Variants in WDSUB1 observed in about 807,000 individuals in gnomAD.
WDSUB1 encodes the protein WD repeat, sterile alpha motif and U-box domain containing 1.
Under a neutral mutation model 53.9 loss-of-function variants are expected in WDSUB1, and 49 were observed. The ratio of observed to expected loss-of-function variants is 0.91; its 90% confidence interval spans 0.72 to 1.15. The LOEUF (loss-of-function observed/expected upper bound fraction) is 1.15. Among genes scored for constraint, WDSUB1 ranks in the 50% most tolerant of loss-of-function variants. The pLI is 0.00. For synonymous variants in WDSUB1, 194 were observed against 200.6 expected, an observed-to-expected ratio of 0.97 and a Z score of 0.28; for missense variants, 514 against 562.0, an observed-to-expected ratio of 0.91 and a Z score of 0.86.
At chr2:159,283,971 C>T (rs1207021685) in intron 1 of WDSUB1, among the ~76,000 whole-genome samples, 9 of 152,200 alleles carry the variant, frequency 5.9e-5, no homozygotes, top group African/African-American at 1.9e-4. Context: ...TGTCCCACCA[C>T]GCCCGGCTAA....
intron 5 of WDSUB1, among the ~76,000 whole-genome samples, chr2:159,262,344 G>A (rs112971628): frequency 5.1e-4 from 78 of 152,066 alleles, no homozygotes; most frequent in African/African-American, 1.6e-3. Flanking sequence ...ACACAGCCCC[G>A]AACAAAAATA....
At chr2:159,266,459 A>C (rs533867841) in intron 5 of WDSUB1, among the ~76,000 whole-genome samples, 1 of 152,200 alleles carries the variant, frequency 6.6e-6, no homozygotes, top group Non-Finnish European at 1.5e-5. Context: ...AAGTGCTGGG[A>C]TTACAGGCGT....
intron 6 of WDSUB1, among the ~76,000 whole-genome samples, chr2:159,259,141 A>G (rs564677953): frequency 6.6e-6 from 1 of 152,218 alleles, no homozygotes; most frequent in South Asian, 2.1e-4. Context: ...CTCTTGCCTC[A>G]GACTCCCAAG....
At chr2:159,275,683 A>AG in intron 3 of WDSUB1, 45 bp from the exon 4 acceptor site, 1 of 1,412,800 alleles carries the variant, frequency 7.1e-7, no homozygotes, top group South Asian at 1.3e-5. Flanking sequence ...TAAAACACTG[A>AG]AACCCCCCCA....
chr2:159,245,048 A>G (rs1197204193), intron 10 of WDSUB1, among the ~76,000 whole-genome samples: 1 of 152,208 alleles, frequency 6.6e-6, no homozygotes, highest in East Asian at 1.9e-4. Flanking sequence ...AAGTGATACC[A>G]TGTTCATGGA....
In WDSUB1 at chr2:159,280,700, A is replaced by AG. The variant is rs2061644572; in HGVS notation, c.399-756_399-755insC. ...AGCGAGACTCCGTCTCAAAAAAAAA[A>AG]AAAAAAAAATTACCCAGAAGCAATG... On this transcript the variant is annotated intron_variant, in intron 2 of 10. Coordinates refer to ENST00000359774, the MANE Select transcript of WDSUB1 (RefSeq NM_001128212.3). Among the ~76,000 whole-genome samples the AG allele has an allele frequency of 2.1e-5, 3 of 146,322 alleles. No individual in the cohort carries two copies. The South Asian group carries it at 6.4e-4, about 31-fold the overall frequency.
chr2:159,236,499 A>C (rs1037903373), intron 10 of WDSUB1, among the ~76,000 whole-genome samples: 13 of 152,196 alleles, frequency 8.5e-5, no homozygotes, highest in African/African-American at 3.1e-4. Context: ...AGAGCTGGGT[A>C]GAGTGGGAGT....
intron 6 of WDSUB1, among the ~76,000 whole-genome samples, chr2:159,258,679 T>C (rs186463560): frequency 1.3e-5 from 2 of 152,162 alleles, no homozygotes; most frequent in East Asian, 1.9e-4. Context: ...ATAAATAAAT[T>C]AGTCCCTTAG....
intron 3 of WDSUB1, among the ~76,000 whole-genome samples, chr2:159,278,535 A>G (rs929596144): frequency 2.6e-5 from 4 of 152,126 alleles, no homozygotes; most frequent in African/African-American, 7.2e-5. Context: ...AAAGCATGCA[A>G]AAAAAAGACT....
intron 10 of WDSUB1, among the ~76,000 whole-genome samples, chr2:159,237,884 C>A (rs1575417142): frequency 2.3e-5 from 1 of 44,422 alleles, no homozygotes; most frequent in East Asian, 3.5e-4. Context: ...ATGCATGTGT[C>A]ACTTTTGGGG....
chr2:159,238,676 C>T (rs2060554443), intron 10 of WDSUB1, among the ~76,000 whole-genome samples: 1 of 152,162 alleles, frequency 6.6e-6, no homozygotes, highest in South Asian at 2.1e-4. Context: ...TGTTCTATTC[C>T]TGGGCCAACA....
intron 10 of WDSUB1, among the ~76,000 whole-genome samples, chr2:159,244,445 T>C (rs2060738013): frequency 6.6e-6 from 1 of 151,438 alleles, no homozygotes; most frequent in Non-Finnish European, 1.5e-5. Context: ...TTACATTGTA[T>C]TGGGCATAAG....
chr2:159,238,762 A>G (rs2151032546), intron 10 of WDSUB1, among the ~76,000 whole-genome samples: 1 of 151,054 alleles, frequency 6.6e-6, no homozygotes, highest in East Asian at 1.9e-4. Context: ...GTTTTTTTCT[A>G]GGTTATTTTT....
At chr2:159,285,020 T>G (rs370675405) in intron 1 of WDSUB1, among the ~76,000 whole-genome samples, 2 of 152,204 alleles carry the variant, frequency 1.3e-5, no homozygotes, top group East Asian at 3.8e-4. Context: ...TCACTCTATA[T>G]TCTCAGCAAT....
chr2:159,241,712 C>CTTTTT lies in WDSUB1; in HGVS notation c.1274-5527_1274-5523dup, dbSNP rs1180259583. Among the ~76,000 whole-genome samples, 34 of 96,076 alleles carry CTTTTT rather than the reference C, an allele frequency of 3.5e-4. 1 individual carries two copies. The highest frequency in any genetic ancestry group is 7.1e-4 in the Non-Finnish European group (28 of 39,676). 63.0% of individuals were successfully genotyped at this position (96,076 alleles called of 152,430 possible). On this transcript the variant is annotated intron_variant, in intron 10 of 10. Coordinates refer to ENST00000359774, the MANE Select transcript of WDSUB1 (RefSeq NM_001128212.3). ...GTAAATACATGACTGGGGATGTTTT[C>CTTTTT]TTTTTTCTTTTTTTTTTTGAGATGG...
chr2:159,265,722 T>C (rs948417213), intron 5 of WDSUB1, among the ~76,000 whole-genome samples: 1 of 152,084 alleles, frequency 6.6e-6, no homozygotes, highest in East Asian at 1.9e-4. Context: ...AAAGACTGAC[T>C]CTTCCTGTTT....
intron 10 of WDSUB1, among the ~76,000 whole-genome samples, chr2:159,240,862 T>C (rs919657399): frequency 6.6e-6 from 1 of 152,102 alleles, no homozygotes; most frequent in Non-Finnish European, 1.5e-5. Context: ...AAAAATCTCA[T>C]TGGACAGGTA....
At chr2:159,244,959 AAATAAGCTACCTAAAGAT>A (rs1315057734) in intron 10 of WDSUB1, among the ~76,000 whole-genome samples, 1 of 152,164 alleles carries the variant, frequency 6.6e-6, no homozygotes, top group Non-Finnish European at 1.5e-5. Context: ...CATTTTTTTA[AAATAAGCTACCTAAAGAT>A]AATTTTGACA....
At chr2:159,282,378 G>T (rs1045539859) in intron 2 of WDSUB1, among the ~76,000 whole-genome samples, 1 of 152,076 alleles carries the variant, frequency 6.6e-6, no homozygotes, top group Non-Finnish European at 1.5e-5. Flanking sequence ...ATTTTTAGTA[G>T]AGACGGGGTT....
Sources: allele counts gnomAD v4.1 joint callset (sites outside exome capture counted in the v4.1 genomes callset), GRCh38; gene constraint gnomAD v4.1.1; transcripts MANE v1.5; gene names NCBI Gene and HGNC (gene_info 2026-07-23, HGNC 2026-07-21).